The following APBA2 variants were observed in gnomAD, a reference collection of about 807,000 sequenced individuals.
APBA2 encodes amyloid-beta A4 precursor protein-binding family A member 2.
A neutral mutation model predicts 75.0 loss-of-function variants in APBA2; 30 were observed. That is an observed-to-expected ratio of 0.40 (90% confidence interval 0.30 to 0.54). The LOEUF (loss-of-function observed/expected upper bound fraction) is 0.54. APBA2 is among the 20% of genes least tolerant of loss of function. The pLI, the probability that APBA2 is intolerant of heterozygous loss-of-function variation, is 0.49. For missense variants in APBA2, 801 were observed against 1,016.1 expected (o/e 0.79, Z 2.88); for synonymous variants, 444 against 409.6 (o/e 1.08, Z -1.01).
At chr15:28,998,362 C>T (rs1011967846) in intron 3 of APBA2, among the ~76,000 whole-genome samples, 41 of 152,076 alleles carry the variant, frequency 2.7e-4, no homozygotes, top group African/African-American at 9.7e-4. Flanking sequence ...ATTTAAATCA[C>T]GGCAAGTCTC....
chr15:29,021,917 C>T (rs1456130652), intron 3 of APBA2, among the ~76,000 whole-genome samples: 1 of 152,072 alleles, frequency 6.6e-6, no homozygotes, highest in Non-Finnish European at 1.5e-5. Flanking sequence ...TGTGCCTGGC[C>T]TATTTCACTT....
chr15:29,056,395 T>C (rs944139907), intron 4 of APBA2, among the ~76,000 whole-genome samples: 7 of 152,112 alleles, frequency 4.6e-5, no homozygotes, highest in Admixed American at 2.0e-4. Flanking sequence ...AGAAGAGGCA[T>C]TGAATGAAAA....
rs953138534 is a variant in APBA2 at position 28,949,265 on chromosome 15, A to G, written c.-95+27516A>G. ...TGGGCAGGTGTGTATTCATGTGTGC[A>G]TCAGGGAGAGGAATACTTGCAAGGA... On this transcript the variant is annotated intron_variant, in intron 2 of 14. Transcript: ENST00000683413. Among the ~76,000 whole-genome samples, 3 of 152,146 alleles carry G rather than the reference A, an allele frequency of 2.0e-5. No homozygotes were observed. The South Asian group carries it at 6.2e-4, about 32-fold the overall frequency.
intron 3 of APBA2, among the ~76,000 whole-genome samples, chr15:29,014,202 G>A (rs2039544626): frequency 6.6e-6 from 1 of 152,180 alleles, no homozygotes; most frequent in South Asian, 2.1e-4. Flanking sequence ...TCACTTCGCT[G>A]CATGCAGCTC....
At chr15:28,964,203 A>T (rs908082256) in intron 2 of APBA2, among the ~76,000 whole-genome samples, 38 of 152,334 alleles carry the variant, frequency 2.5e-4, no homozygotes, top group African/African-American at 9.1e-4. Context: ...TGCATGGTAA[A>T]TTCATTTTTA....
At chr15:28,903,153 G>A (rs2032955998) in intron 1 of APBA2, among the ~76,000 whole-genome samples, 1 of 152,170 alleles carries the variant, frequency 6.6e-6, no homozygotes, top group Non-Finnish European at 1.5e-5. Flanking sequence ...CAGTGTCCCT[G>A]GCCTCTGGCT....
chr15:29,074,548 T>C lies in APBA2; in HGVS notation c.952-373T>C, dbSNP rs114515252. Among the ~76,000 whole-genome samples, 773 of 152,272 alleles carry C rather than the reference T, an allele frequency of 5.1e-3. 7 individuals carry two copies. Among genetic ancestry groups the C allele is most frequent in the African/African-American group, 0.018 (732 of 41,542 alleles). On this transcript the variant is annotated intron_variant, in intron 4 of 14. Coordinates refer to ENST00000683413, the MANE Select transcript of APBA2 (RefSeq NM_001353788.2). ...AGTTTGTTTAATGGGTACAGAGTTT[T>C]AGTTTTGGGAAGAGGAAGACATTCT... is the stretch of plus-strand genomic sequence containing the variant.
chr15:29,108,535 G>A, intron 13 of APBA2, 146 bp downstream of exon 13: 4 of 1,299,986 alleles, frequency 3.1e-6, no homozygotes, highest in Non-Finnish European at 4.3e-6. Flanking sequence ...AGGCCACCTG[G>A]GGCAGGAACT....
At chr15:29,003,821 C>T (rs984895176) in intron 3 of APBA2, among the ~76,000 whole-genome samples, 1 of 152,234 alleles carries the variant, frequency 6.6e-6, no homozygotes, top group Non-Finnish European at 1.5e-5. Context: ...GGTCTCCTGA[C>T]AAATTGATCC....
At chr15:29,032,378 C>G (rs1390240737) in intron 3 of APBA2, among the ~76,000 whole-genome samples, 4 of 152,218 alleles carry the variant, frequency 2.6e-5, no homozygotes, top group Non-Finnish European at 4.4e-5. Flanking sequence ...CTGAGGTTCC[C>G]CGAAGGGGAA....
intron 2 of APBA2, among the ~76,000 whole-genome samples, chr15:28,950,156 A>G (rs76036143): frequency 0.11 from 16,996 of 152,120 alleles, 1,861 homozygotes; most frequent in East Asian, 0.33. Context: ...ATTTGGGTTT[A>G]TCTGCTGTTC....
At chr15:29,014,019 C>G (rs1032022254) in intron 3 of APBA2, among the ~76,000 whole-genome samples, 1 of 152,224 alleles carries the variant, frequency 6.6e-6, no homozygotes, top group Non-Finnish European at 1.5e-5. Flanking sequence ...TTTACATCCC[C>G]TTCAAGTCTG....
chr15:29,084,204 G>A (rs1243809759), intron 6 of APBA2, among the ~76,000 whole-genome samples: 5 of 152,042 alleles, frequency 3.3e-5, no homozygotes, highest in African/African-American at 1.2e-4. Flanking sequence ...GTTTTTCCTG[G>A]CATGCAATCA....
chr15:29,113,292 C>T (rs578172402), intron 13 of APBA2, among the ~76,000 whole-genome samples: 1 of 152,174 alleles, frequency 6.6e-6, no homozygotes, highest in East Asian at 1.9e-4. Context: ...GAATGAGACC[C>T]TGTCTCCAAC....
At chr15:28,965,372 CTA>C (rs2036687065) in intron 2 of APBA2, among the ~76,000 whole-genome samples, 1 of 152,142 alleles carries the variant, frequency 6.6e-6, no homozygotes, top group Non-Finnish European at 1.5e-5. Context: ...GTCTTGATTA[CTA>C]TATCTCTGTA....
In APBA2 at chr15:29,093,292, G is replaced by A. The variant is rs549672659; in HGVS notation, c.1215+72G>A. 875 of 1,579,882 alleles carry A rather than the reference G, an allele frequency of 5.5e-4. 11 individuals are homozygous for A. The South Asian group carries it at 9.3e-3, about 17-fold the overall frequency. On this transcript the variant is annotated intron_variant, in intron 7 of 14. Transcript: ENST00000683413. ...GGGCACTAGCAGGAGGGAATATGGC[G>A]GGGCGTAGGCCCTCTTCCAGCTCGG...
chr15:28,915,541 A>G (rs2033651792), intron 1 of APBA2, among the ~76,000 whole-genome samples: 1 of 148,660 alleles, frequency 6.7e-6, no homozygotes, highest in Admixed American at 6.7e-5. Context: ...CATAGACACC[A>G]TACACACATC....
chr15:28,987,916 C>A (rs2038015762), intron 2 of APBA2, among the ~76,000 whole-genome samples: 1 of 151,692 alleles, frequency 6.6e-6, no homozygotes. Context: ...CACCACCACA[C>A]CTGGCTAATT....
intron 2 of APBA2, among the ~76,000 whole-genome samples, chr15:28,950,194 T>A (rs2035779130): frequency 6.6e-6 from 1 of 152,054 alleles, no homozygotes; most frequent in South Asian, 2.1e-4. Flanking sequence ...GAGTTATGGG[T>A]TTGGGGGAGG....
Sources: allele counts gnomAD v4.1 joint callset (sites outside exome capture counted in the v4.1 genomes callset), GRCh38; gene constraint gnomAD v4.1.1; transcripts MANE v1.5; gene names NCBI Gene and HGNC (gene_info 2026-07-23, HGNC 2026-07-21).